UBIAD1: variants seen among roughly 807,000 people sequenced by gnomAD.
The protein encoded by UBIAD1 is ubiA prenyltransferase domain-containing protein 1.
In UBIAD1, 12 loss-of-function variants were observed where a neutral mutation model predicts 20.1. The observed-to-expected ratio is 0.60, with a 90% confidence interval of 0.38 to 0.97. UBIAD1 has a LOEUF of 0.97. Among genes scored for constraint, UBIAD1 ranks in the 50% least tolerant of loss-of-function variants. UBIAD1 has a pLI of 0.00. For missense variants in UBIAD1, 333 were observed against 419.5 expected (o/e 0.79, Z 1.80); for synonymous variants, 207 against 189.2 (o/e 1.09, Z -0.77).
chr1:11,285,812 A>C lies in UBIAD1; in HGVS notation c.698A>C (p.Asn233Thr). ...ACCGAGGCCATTCTCCATTCCAACA[A>C]CACCAGGGACATGGAGTCCGACCGG... is the stretch of plus-strand genomic sequence containing the variant. ...LSTEAILHSN[N>T]TRDMESDREA... The change falls in exon 2 of 2, where the codon AAC becomes ACC. Residue 233 changes from asparagine to threonine, a missense_variant. Around this residue, in one of 3 missense-constraint regions of UBIAD1, gnomAD observed 226 missense variants for 263.5 expected, o/e 0.86. Coordinates refer to ENST00000376810, the MANE Select transcript of UBIAD1 (RefSeq NM_013319.3). The surrounding 1 kb of genome is among the most constrained non-coding windows in gnomAD (Gnocchi z 4.4). 1 of 1,614,064 alleles carries C rather than the reference A, an allele frequency of 6.2e-7. No homozygotes were observed. Among genetic ancestry groups the C allele is most frequent in the Non-Finnish European group, 8.5e-7 (1 of 1,180,008 alleles).
At chr1:11,276,643 AAC>A (rs1652039308) in intron 1 of UBIAD1, among the ~76,000 whole-genome samples, 1 of 151,254 alleles carries the variant, frequency 6.6e-6, no homozygotes, top group Non-Finnish European at 1.5e-5. Flanking sequence ...CAGCCTGGGC[AAC>A]AGAGAGAGGC....
intron 1 of UBIAD1, among the ~76,000 whole-genome samples, chr1:11,281,803 T>C (rs896373368): frequency 6.6e-6 from 1 of 152,248 alleles, no homozygotes; most frequent in Non-Finnish European, 1.5e-5. Context: ...GCCTGTCATA[T>C]AAATGGAACC....
At chr1:11,291,696 T>C (rs550532867), downstream of UBIAD1, among the ~76,000 whole-genome samples, 1 of 151,738 alleles carries the variant, frequency 6.6e-6, no homozygotes, top group African/African-American at 2.4e-5. Flanking sequence ...CACGCGTGTG[T>C]GTTTGCATTG....
At chr1:11,291,873 C>T (rs1293432921), downstream of UBIAD1, among the ~76,000 whole-genome samples, 7 of 151,812 alleles carry the variant, frequency 4.6e-5, no homozygotes, top group African/African-American at 1.5e-4. Context: ...TTCGGGAAGA[C>T]GGGTTGGACT....
intron 1 of UBIAD1, among the ~76,000 whole-genome samples, chr1:11,276,869 T>A (rs75568386): frequency 6.6e-6 from 1 of 151,998 alleles, no homozygotes; most frequent in Admixed American, 6.6e-5. Context: ...TTTTTTATTA[T>A]AAGATAGGTA....
At chr1:11,283,924 T>C (rs1463068668) in intron 1 of UBIAD1, among the ~76,000 whole-genome samples, 2 of 152,200 alleles carry the variant, frequency 1.3e-5, no homozygotes, top group African/African-American at 4.8e-5. Context: ...ACTCATTCCA[T>C]ACTGCTTTAC....
In UBIAD1 at chr1:11,286,232, G is replaced by A; in HGVS notation, c.*101G>A. On this transcript the variant is annotated 3_prime_UTR_variant, in exon 2 of 2. Coordinates refer to ENST00000376810, the MANE Select transcript of UBIAD1 (RefSeq NM_013319.3). ...TGTGATTTGGCAGTCAGGGTACTAA[G>A]CATGGGTGGGAACTCCTGCCTTATA... 1 of 1,493,496 alleles carries A rather than the reference G, an allele frequency of 6.7e-7. No homozygotes were observed. The highest frequency in any genetic ancestry group is 9.3e-7 in the Non-Finnish European group (1 of 1,080,430). The allele number at this position is 1,493,496 out of a possible 1,614,324, so 92.5% of individuals were successfully genotyped here.
chr1:11,296,364 CT>C (rs1271317406), downstream of UBIAD1, among the ~76,000 whole-genome samples: 6 of 152,142 alleles, frequency 3.9e-5, no homozygotes, highest in Non-Finnish European at 7.4e-5. Flanking sequence ...CTCAGACAAG[CT>C]ACATAACCTC....
At position 11,287,459 on chromosome 1, in the gene UBIAD1, G is replaced by A. The variant is rs1638291550; in HGVS notation, c.*1328G>A. 6.6e-6 allele frequency: 1 copy of A among 152,186 alleles called. No homozygotes were observed. The highest frequency in any genetic ancestry group is 6.5e-5 in the Admixed American group (1 of 15,286). 9.4% of individuals were successfully genotyped at this position (152,186 alleles called of 1,614,324 possible). ...GCATTTGATCCAGGACTATAGATTG[G>A]AAATGGGTCATCATTGTTTTCTGTT... On this transcript the variant is annotated 3_prime_UTR_variant, in exon 2 of 2. Transcript: ENST00000376810.
chr1:11,275,481 CT>C (rs1221313957), intron 1 of UBIAD1, among the ~76,000 whole-genome samples: 2 of 152,208 alleles, frequency 1.3e-5, no homozygotes, highest in Non-Finnish European at 1.5e-5. Context: ...TGGCTCATGT[CT>C]GTAATCCCAG....
At chr1:11,293,121 G>A (rs1450685751), downstream of UBIAD1, among the ~76,000 whole-genome samples, 1 of 152,180 alleles carries the variant, frequency 6.6e-6, no homozygotes, top group Admixed American at 6.5e-5. Context: ...AGCTCTGGGA[G>A]GAACAGTGAG....
intron 1 of UBIAD1, among the ~76,000 whole-genome samples, chr1:11,276,795 A>G (rs1461689882): frequency 6.6e-6 from 1 of 151,944 alleles, no homozygotes; most frequent in Non-Finnish European, 1.5e-5. Context: ...AATATTTACC[A>G]TGTCTGTTAC....
Position 11,273,627 on chromosome 1 carries a change from C to G in UBIAD1, c.96C>G (p.Pro32=). ...GDRDPLGNDC[P]EQDRLPQRSW... is the part of the protein sequence containing the mutation. Reference sequence around the variant, plus strand: ...GGGACCCGCTGGGGAACGACTGTCCCGAGCAAGATAGGCTCCCCCAGCGCT... The same window carrying G: ...GGGACCCGCTGGGGAACGACTGTCCGGAGCAAGATAGGCTCCCCCAGCGCT... Residue 32 remains proline (P), a synonymous_variant, in exon 1 of 2, where the codon CCC becomes CCG. Transcript: ENST00000376810. The surrounding 1 kb of genome is among the most constrained non-coding windows in gnomAD (Gnocchi z 4.9). 1.2e-6 allele frequency: 2 copies of G among 1,614,076 alleles called. No individual in the cohort carries two copies. The highest frequency in any genetic ancestry group is 1.7e-6 in the Non-Finnish European group (2 of 1,180,042).
In UBIAD1 at chr1:11,286,889, A is replaced by G. The variant is rs2101024104; in HGVS notation, c.*758A>G. On this transcript the variant is annotated 3_prime_UTR_variant, in exon 2 of 2. Transcript: ENST00000376810. ...AGGGTGGCTGTTTTCCCTTTGTTGA[A>G]TCTACTAGAGTGACAGGAAGGACTC... 6.5e-6 allele frequency: 1 copy of G among 152,950 alleles called. No individual in the cohort carries two copies. Among genetic ancestry groups the G allele is most frequent in the Non-Finnish European group, 1.5e-5 (1 of 68,552 alleles). 9.5% of individuals were successfully genotyped at this position (152,950 alleles called of 1,614,324 possible). A position where few individuals can be genotyped will look rare whatever the true frequency, so the allele number is the denominator to read the frequency against.
At chr1:11,291,606 CAAAAAA>C (rs771883369), downstream of UBIAD1, among the ~76,000 whole-genome samples, 3 of 56,386 alleles carry the variant, frequency 5.3e-5, no homozygotes, top group African/African-American at 1.7e-4. Flanking sequence ...GACTTCATCT[CAAAAAA>C]AAAAAAAAAA....
In UBIAD1 at chr1:11,286,147, C is replaced by T. The variant is rs746344736; in HGVS notation, c.*16C>T. On this transcript the variant is annotated 3_prime_UTR_variant, in exon 2 of 2. Coordinates refer to ENST00000376810, the MANE Select transcript of UBIAD1 (RefSeq NM_013319.3). ...CAAAATTTAAGGGGACAAGTAGCTC[C>T]CCCCACGACATGTCTCCCTTTCTTA... 1.2e-6 allele frequency: 2 copies of T among 1,614,004 alleles called. No homozygotes were observed. Among genetic ancestry groups the T allele is most frequent in the South Asian group, 1.1e-5 (1 of 91,084 alleles).
downstream of UBIAD1, among the ~76,000 whole-genome samples, chr1:11,291,063 T>A (rs1039679023): frequency 1.3e-5 from 2 of 152,186 alleles, no homozygotes; most frequent in African/African-American, 2.4e-5. Context: ...TGCAGATTAA[T>A]ATGATCTGAG....
chr1:11,277,493 C>CT (rs1400865014), intron 1 of UBIAD1, among the ~76,000 whole-genome samples: 1 of 151,636 alleles, frequency 6.6e-6, no homozygotes, highest in Non-Finnish European at 1.5e-5. Context: ...GCTGGTCTCT[C>CT]TAACTCCTCA....
Position 11,273,209 on chromosome 1 carries a change from G to A in UBIAD1, c.-323G>A. On this transcript the variant is annotated 5_prime_UTR_variant, in exon 1 of 2. Transcript: ENST00000376810. This position sits in a 1 kb window ranked among gnomAD's most constrained non-coding sequence, Gnocchi z 4.9. ...CGCCGCCGGCACCTGTTTCCGGGCGGGCCTCCAGAGGCCGGCGCACAAGAT... is the reference window on the plus strand; with the variant it reads ...CGCCGCCGGCACCTGTTTCCGGGCGAGCCTCCAGAGGCCGGCGCACAAGAT... The A allele has an allele frequency of 3.0e-6, 1 of 328,054 alleles. No individual in the cohort carries two copies. 20.3% of individuals were successfully genotyped at this position (328,054 alleles called of 1,614,324 possible).
Sources: allele counts gnomAD v4.1 joint callset (sites outside exome capture counted in the v4.1 genomes callset), GRCh38; gene constraint gnomAD v4.1.1; regional missense constraint gnomAD v4.1.1; non-coding constraint Gnocchi (gnomAD v3.1); transcripts MANE v1.5; gene names NCBI Gene and HGNC (gene_info 2026-07-23, HGNC 2026-07-21).